CHSY3: variants seen among roughly 807,000 people sequenced by gnomAD.
CHSY3 encodes the protein chondroitin sulfate synthase 3, also known as N-acetylgalactosaminyl-proteoglycan 3-beta-glucuronosyltransferase 3.
In CHSY3, 35 loss-of-function variants were observed where a neutral mutation model predicts 67.2. The ratio of observed to expected loss-of-function variants is 0.52; its 90% confidence interval spans 0.40 to 0.69. The LOEUF is 0.69. Ranked by LOEUF, CHSY3 falls within the 30% of genes least tolerant of loss-of-function variation. The probability of loss-of-function intolerance (pLI) is 0.00; values close to 1 mark genes in which losing one functional copy is unlikely to be tolerated. For missense variants in CHSY3, 1,069 were observed against 1,138.5 expected (o/e 0.94, Z 0.88); for synonymous variants, 474 against 434.7 (o/e 1.09, Z -1.12).
At chr5:129,994,657 A>G (rs992259349) in intron 2 of CHSY3, among the ~76,000 whole-genome samples, 1 of 152,150 alleles carries the variant, frequency 6.6e-6, no homozygotes, top group Non-Finnish European at 1.5e-5. Flanking sequence ...CAGATGTCCA[A>G]CAATGATAGA....
intron 2 of CHSY3, among the ~76,000 whole-genome samples, chr5:129,980,891 A>G (rs1035180467): frequency 3.3e-5 from 5 of 151,976 alleles, no homozygotes; most frequent in African/African-American, 1.2e-4. Flanking sequence ...CATGTTTGCT[A>G]TATTGTACTG....
At chr5:130,058,632 G>GA (rs1299544994) in intron 2 of CHSY3, among the ~76,000 whole-genome samples, 1 of 151,878 alleles carries the variant, frequency 6.6e-6, no homozygotes, top group African/African-American at 2.4e-5. Flanking sequence ...GTCTCAAAAA[G>GA]AAAAAAGAGG....
intron 2 of CHSY3, among the ~76,000 whole-genome samples, chr5:130,136,845 T>G (rs1314055214): frequency 6.6e-6 from 1 of 152,178 alleles, no homozygotes; most frequent in African/African-American, 2.4e-5. Flanking sequence ...TGTTATTGAA[T>G]TCACCACCCA....
chr5:129,945,771 A>G (rs1474398975), intron 2 of CHSY3, among the ~76,000 whole-genome samples: 1 of 152,192 alleles, frequency 6.6e-6, no homozygotes, highest in African/African-American at 2.4e-5. Context: ...GCATATAAAA[A>G]TGTTTGTGGG....
chr5:130,047,350 A>G (rs546309306), intron 2 of CHSY3, among the ~76,000 whole-genome samples: 38 of 152,192 alleles, frequency 2.5e-4, no homozygotes, highest in African/African-American at 8.4e-4. Context: ...TACTGTATAC[A>G]AAGTCCCACA....
At chr5:130,176,394 A>G (rs1487189016) in intron 2 of CHSY3, among the ~76,000 whole-genome samples, 1 of 152,194 alleles carries the variant, frequency 6.6e-6, no homozygotes, top group Admixed American at 6.5e-5. Flanking sequence ...ATGCTTTTAC[A>G]CTATTGGTGG....
At chr5:130,100,122 T>C (rs1286864287) in intron 2 of CHSY3, among the ~76,000 whole-genome samples, 2 of 152,164 alleles carry the variant, frequency 1.3e-5, no homozygotes, top group African/African-American at 4.8e-5. Context: ...AGATAAGGTA[T>C]GGGAATATTC....
chr5:129,918,830 G>C (rs538180580), intron 2 of CHSY3, among the ~76,000 whole-genome samples: 3 of 149,966 alleles, frequency 2.0e-5, no homozygotes, highest in African/African-American at 4.9e-5. Context: ...AAAATTGGCC[G>C]GGCGCGGTGG....
intron 2 of CHSY3, among the ~76,000 whole-genome samples, chr5:130,180,489 C>A (rs1336969344): frequency 6.6e-6 from 1 of 152,004 alleles, no homozygotes; most frequent in East Asian, 1.9e-4. Flanking sequence ...CAAAAGTTAC[C>A]TTGTGCCTAT....
chr5:130,078,923 T>C (rs1766361291), intron 2 of CHSY3, among the ~76,000 whole-genome samples: 1 of 152,144 alleles, frequency 6.6e-6, no homozygotes, highest in Non-Finnish European at 1.5e-5. Flanking sequence ...CTCTCTTTAA[T>C]CACCCATCCC....
chr5:129,928,645 TA>T (rs1215256052), intron 2 of CHSY3, among the ~76,000 whole-genome samples: 1 of 152,174 alleles, frequency 6.6e-6, no homozygotes, highest in Non-Finnish European at 1.5e-5. Context: ...ATTATAGAAT[TA>T]AAACTATGCT....
At chr5:130,182,337 A>T (rs1480178220) in intron 2 of CHSY3, among the ~76,000 whole-genome samples, 1 of 151,998 alleles carries the variant, frequency 6.6e-6, no homozygotes, top group East Asian at 1.9e-4. Flanking sequence ...CTTTTCTGCT[A>T]GGTTTGTCCT....
chr5:130,182,468 G>A (rs1180084754), intron 2 of CHSY3, among the ~76,000 whole-genome samples: 1 of 151,560 alleles, frequency 6.6e-6, no homozygotes, highest in Non-Finnish European at 1.5e-5. Flanking sequence ...TCCTAATGGT[G>A]TTTTTAAAGA....
intron 2 of CHSY3, among the ~76,000 whole-genome samples, chr5:129,968,428 A>G (rs75775037): frequency 0.016 from 2,418 of 151,996 alleles, 51 homozygotes; most frequent in African/African-American, 0.054. Flanking sequence ...AATGCAATTC[A>G]GCAAACATAT....
At chr5:130,176,212 A>C (rs1001717071) in intron 2 of CHSY3, among the ~76,000 whole-genome samples, 2 of 152,232 alleles carry the variant, frequency 1.3e-5, no homozygotes, top group Admixed American at 6.5e-5. Flanking sequence ...CATTTCTCAA[A>C]AGAAGACATT....
At chr5:129,913,628 GTTC>G (rs1760640347) in intron 2 of CHSY3, among the ~76,000 whole-genome samples, 1 of 152,066 alleles carries the variant, frequency 6.6e-6, no homozygotes, top group South Asian at 2.1e-4. Flanking sequence ...TCTGATTATT[GTTC>G]TTCTCCCTTT....
Position 129,968,741 on chromosome 5 carries a change from C to A in CHSY3, c.1086+60381C>A, listed in dbSNP as rs574111242. On this transcript the variant is annotated intron_variant, in intron 2 of 2. Coordinates refer to ENST00000305031, the MANE Select transcript of CHSY3 (RefSeq NM_175856.5). ...AGCATACTGTTACAAGATCTCCCAG[C>A]AAACAGGCCAATGTGTGTTTAAAAC... Among the ~76,000 whole-genome samples the A allele has an allele frequency of 3.9e-5, 6 of 151,968 alleles. No homozygotes were observed. The South Asian group carries it at 8.3e-4, about 21-fold the overall frequency.
At chr5:129,906,781 C>T (rs1345543434) in intron 1 of CHSY3, among the ~76,000 whole-genome samples, 5 of 152,214 alleles carry the variant, frequency 3.3e-5, no homozygotes, top group African/African-American at 7.2e-5. Flanking sequence ...TTATGCCTTT[C>T]TACTCGTAGC....
At position 130,061,879 on chromosome 5, in the gene CHSY3, A is replaced by G. The variant is rs75291988; in HGVS notation, c.1087-122350A>G. On this transcript the variant is annotated intron_variant, in intron 2 of 2. Transcript: ENST00000305031. ...GCATCTTACATGAGTCAAAATGGCT[A>G]TTATTAAAAAGTCAAAAAAAAAACA... Among the ~76,000 whole-genome samples, 275 of 149,400 alleles carry G rather than the reference A, an allele frequency of 1.8e-3. 2 individuals carry two copies. Among genetic ancestry groups the G allele is most frequent in the African/African-American group, 6.8e-3 (265 of 38,814 alleles).
Sources: allele counts gnomAD v4.1 joint callset (sites outside exome capture counted in the v4.1 genomes callset), GRCh38; gene constraint gnomAD v4.1.1; transcripts MANE v1.5; gene names NCBI Gene and HGNC (gene_info 2026-07-23, HGNC 2026-07-21).